Variants in GPM6A observed in about 807,000 individuals in gnomAD.
The protein encoded by GPM6A is neuronal membrane glycoprotein M6-a.
In GPM6A, 7 loss-of-function variants were observed where a neutral mutation model predicts 32.1. That is an observed-to-expected ratio of 0.22 (90% confidence interval 0.12 to 0.41). The LOEUF is 0.41. GPM6A is among the 10% of genes least tolerant of loss of function. The pLI, the probability that GPM6A is intolerant of heterozygous loss-of-function variation, is 1.00. For synonymous variants in GPM6A, 130 were observed against 123.4 expected, an observed-to-expected ratio of 1.05 and a Z score of -0.35; for missense variants, 235 against 347.2, an observed-to-expected ratio of 0.68 and a Z score of 2.57.
chr4:175,867,597 C>T (rs529830028), intron 1 of GPM6A, among the ~76,000 whole-genome samples: 1 of 152,228 alleles, frequency 6.6e-6, no homozygotes, highest in East Asian at 1.9e-4. Flanking sequence ...CTATTCTGTT[C>T]CATTAAACTA....
At chr4:175,897,324 G>A (rs1276781599) in intron 1 of GPM6A, among the ~76,000 whole-genome samples, 1 of 152,048 alleles carries the variant, frequency 6.6e-6, no homozygotes, top group African/African-American at 2.4e-5. Context: ...TAAATACCCT[G>A]GCTTCTCCTT....
intron 1 of GPM6A, among the ~76,000 whole-genome samples, chr4:175,951,249 A>G (rs1449988082): frequency 6.6e-6 from 1 of 152,232 alleles, no homozygotes; most frequent in Non-Finnish European, 1.5e-5. Context: ...TTTCTTTATA[A>G]ATAGTATTTC....
rs544655914 is a variant in GPM6A, at chr4:175,687,116, T to C, written c.231-13280A>G. 3.3e-5 allele frequency among the ~76,000 whole-genome samples: 5 copies of C among 152,352 alleles called. No homozygotes were observed. The East Asian group carries it at 9.6e-4, about 29-fold the overall frequency. ...ATTTTGCAGGCTATATTGAAGCTACTTTAGAATGTTTAGGGTTGTGGTAAA... is the reference window on the plus strand; with the variant it reads ...ATTTTGCAGGCTATATTGAAGCTACCTTAGAATGTTTAGGGTTGTGGTAAA... On this transcript the variant is annotated intron_variant, in intron 2 of 6. Transcript: ENST00000393658.
At chr4:175,828,931 G>T (rs1263590625) in intron 1 of GPM6A, among the ~76,000 whole-genome samples, 2 of 151,836 alleles carry the variant, frequency 1.3e-5, no homozygotes, top group Non-Finnish European at 2.9e-5. Context: ...TTTTTGTTTT[G>T]TTTTGTTTTG....
intron 1 of GPM6A, among the ~76,000 whole-genome samples, chr4:175,796,838 C>T (rs1734251801): frequency 6.6e-6 from 1 of 152,202 alleles, no homozygotes; most frequent in Non-Finnish European, 1.5e-5. Flanking sequence ...GCCTTTCTCT[C>T]AGTGCTACCC....
At chr4:175,941,834 G>T (rs929709721) in intron 1 of GPM6A, among the ~76,000 whole-genome samples, 4 of 152,158 alleles carry the variant, frequency 2.6e-5, no homozygotes, top group Non-Finnish European at 5.9e-5. Context: ...GAACAGTGCG[G>T]CAATAAACAT....
intron 1 of GPM6A, among the ~76,000 whole-genome samples, chr4:175,938,658 T>C (rs945540775): frequency 1.3e-5 from 2 of 151,520 alleles, no homozygotes; most frequent in African/African-American, 4.8e-5. Flanking sequence ...TAAGGATACA[T>C]AATAACAGAT....
intron 1 of GPM6A, among the ~76,000 whole-genome samples, chr4:175,720,729 C>T (rs909072320): frequency 1.3e-5 from 2 of 151,676 alleles, no homozygotes; most frequent in Non-Finnish European, 2.9e-5. Context: ...CAAGTTCACC[C>T]ACTAAAATGT....
chr4:175,871,342 T>G (rs1736901220), intron 1 of GPM6A, among the ~76,000 whole-genome samples: 1 of 151,950 alleles, frequency 6.6e-6, no homozygotes. Context: ...TGGTAGTGGA[T>G]GCCTGTAATT....
At chr4:175,831,517 G>T (rs1430408465) in intron 1 of GPM6A, among the ~76,000 whole-genome samples, 1 of 151,882 alleles carries the variant, frequency 6.6e-6, no homozygotes. Context: ...CCATTGATGG[G>T]CCCCATGTCA....
chr4:175,994,544 A>G lies in GPM6A; in HGVS notation c.-23+7765T>C, dbSNP rs182103289. Among the ~76,000 whole-genome samples the G allele has an allele frequency of 1.0e-3, 159 of 152,306 alleles. 1 individual carries two copies. Among genetic ancestry groups the G allele is most frequent in the African/African-American group, 3.8e-3 (157 of 41,568 alleles). ...TATGTCTAAAAAAAACCCAATGTAT[A>G]TACCTTAATTTTAAAATACTTTATT... is the stretch of plus-strand genomic sequence containing the variant. On this transcript the variant is annotated intron_variant, in intron 1 of 7. Coordinates refer to the GPM6A transcript ENST00000280187.
At chr4:175,760,129 T>G (rs954340708) in intron 1 of GPM6A, among the ~76,000 whole-genome samples, 12 of 152,020 alleles carry the variant, frequency 7.9e-5, no homozygotes, top group African/African-American at 2.7e-4. Context: ...TGAGCGGAGA[T>G]CACTCCGCTA....
intron 1 of GPM6A, among the ~76,000 whole-genome samples, chr4:175,764,035 G>A (rs2111216468): frequency 6.6e-6 from 1 of 152,228 alleles, no homozygotes; most frequent in African/African-American, 2.4e-5. Flanking sequence ...CAGACACAAA[G>A]TTCACCATTT....
intron 2 of GPM6A, among the ~76,000 whole-genome samples, chr4:175,676,545 G>A (rs1225501583): frequency 2.0e-5 from 3 of 152,222 alleles, no homozygotes; most frequent in Admixed American, 6.5e-5. Context: ...ACCATAGTTC[G>A]AAACCAGCCT....
chr4:175,958,941 A>C (rs1740077714), intron 1 of GPM6A, among the ~76,000 whole-genome samples: 1 of 152,242 alleles, frequency 6.6e-6, no homozygotes, highest in African/African-American at 2.4e-5. Context: ...AAATGTAAAA[A>C]ATGAATGAAG....
intron 1 of GPM6A, among the ~76,000 whole-genome samples, chr4:175,892,065 T>C (rs1039822680): frequency 1.3e-5 from 2 of 152,294 alleles, no homozygotes; most frequent in Non-Finnish European, 2.9e-5. Flanking sequence ...AGTCTAGTAC[T>C]TTAAAACTAC....
chr4:175,681,320 T>C (rs943989067), intron 2 of GPM6A, among the ~76,000 whole-genome samples: 3 of 152,204 alleles, frequency 2.0e-5, no homozygotes, highest in Non-Finnish European at 4.4e-5. Context: ...ATCCTGGTAT[T>C]GCTTTATTTA....
At chr4:175,638,405 A>T (rs1200664286) in intron 6 of GPM6A, among the ~76,000 whole-genome samples, 1 of 152,042 alleles carries the variant, frequency 6.6e-6, no homozygotes, top group Admixed American at 6.6e-5. Context: ...TAGACAGAGA[A>T]AATAACCCCC....
At chr4:175,925,229 G>A (rs572998930) in intron 1 of GPM6A, among the ~76,000 whole-genome samples, 1 of 152,304 alleles carries the variant, frequency 6.6e-6, no homozygotes, top group East Asian at 1.9e-4. Flanking sequence ...CTGGAAATGG[G>A]TGTTTACACA....
Sources: allele counts gnomAD v4.1 joint callset (sites outside exome capture counted in the v4.1 genomes callset), GRCh38; gene constraint gnomAD v4.1.1; transcripts MANE v1.5; gene names NCBI Gene and HGNC (gene_info 2026-07-23, HGNC 2026-07-21).